The following TP63 variants were observed in gnomAD, a reference collection of about 807,000 sequenced individuals.
The protein encoded by TP63 is tumor protein 63.
Under a neutral mutation model 82.8 loss-of-function variants are expected in TP63, and 17 were observed. The observed-to-expected ratio is 0.21, with a 90% confidence interval of 0.14 to 0.31. TP63 has a LOEUF of 0.31. TP63 is among the 10% of genes least tolerant of loss of function. The pLI is 1.00. For missense variants in TP63, 648 were observed against 895.3 expected (o/e 0.72, Z 3.52); for synonymous variants, 330 against 321.7 (o/e 1.03, Z -0.28).
rs938305894 is a variant in TP63 at position 189,712,371 on chromosome 3, G to T, written c.63-25369G>T. On this transcript the variant is annotated intron_variant, in intron 1 of 13. Coordinates refer to ENST00000264731, the MANE Select transcript of TP63 (RefSeq NM_003722.5). ...TTATTAATAAGTCTTAGTCCACTAG[G>T]AGTGCTGTAACAAAATACCATAAAC... 3.9e-5 allele frequency among the ~76,000 whole-genome samples: 6 copies of T among 152,178 alleles called. No individual in the cohort carries two copies. In the East Asian group the frequency reaches 7.7e-4, roughly 20 times the overall value.
chr3:189,748,508 C>CAAAAAAAA (rs58926854), intron 3 of TP63, among the ~76,000 whole-genome samples: 6 of 31,252 alleles, frequency 1.9e-4, no homozygotes, highest in South Asian at 1.8e-3. Context: ...AGGAAAACTA[C>CAAAAAAAA]AAAAAAAAAA....
chr3:189,726,364 T>A (rs1577310396), intron 1 of TP63, among the ~76,000 whole-genome samples: 1 of 152,184 alleles, frequency 6.6e-6, no homozygotes, highest in Non-Finnish European at 1.5e-5. Context: ...TCGAACCATA[T>A]GAACTTGGTA....
At chr3:189,806,067 T>TG (rs1726863938) in intron 3 of TP63, among the ~76,000 whole-genome samples, 1 of 142,644 alleles carries the variant, frequency 7.0e-6, no homozygotes, top group Admixed American at 7.5e-5. Context: ...TTTTTTTTTT[T>TG]GCCCCTTACA....
chr3:189,677,891 A>G (rs13097576), intron 1 of TP63, among the ~76,000 whole-genome samples: 37,050 of 151,888 alleles, frequency 0.24, 5,191 homozygotes, highest in East Asian at 0.58. Context: ...ACATCTGTGT[A>G]TCTTCTGAAA....
chr3:189,605,395 A>C, the TP63 span, among the ~76,000 whole-genome samples: 1 of 152,234 alleles, frequency 6.6e-6, no homozygotes, highest in Non-Finnish European at 1.5e-5. Flanking sequence ...GTTATTCCCC[A>C]AAATGTGAAA....
intron 3 of TP63, chr3:189,789,952 A>T: frequency 9.4e-7 from 1 of 1,062,188 alleles, no homozygotes; most frequent in Non-Finnish European, 1.3e-6. Context: ...ATGTTTTGCA[A>T]ATTGTATATA....
chr3:189,734,174 T>C (rs796351424), intron 1 of TP63, among the ~76,000 whole-genome samples: 16 of 132,666 alleles, frequency 1.2e-4, no homozygotes, highest in Non-Finnish European at 2.2e-4. Context: ...CTCCCTTCTT[T>C]TTTTTTTTTT....
chr3:189,850,790 T>C (rs977940118), intron 4 of TP63, among the ~76,000 whole-genome samples: 2 of 152,164 alleles, frequency 1.3e-5, no homozygotes, highest in Admixed American at 1.3e-4. Flanking sequence ...TTTATGGATG[T>C]GTATTAAAAA....
intron 3 of TP63, among the ~76,000 whole-genome samples, chr3:189,756,500 A>G (rs1011971390): frequency 2.6e-5 from 4 of 152,168 alleles, no homozygotes; most frequent in African/African-American, 4.8e-5. Flanking sequence ...CAAACCCTGA[A>G]CAAACAGCCT....
intron 3 of TP63, among the ~76,000 whole-genome samples, chr3:189,750,234 A>C (rs931931519): frequency 5.3e-5 from 8 of 152,290 alleles, no homozygotes; most frequent in African/African-American, 1.9e-4. Flanking sequence ...AAATATTGTA[A>C]GTTCTCACTC....
At chr3:189,798,965 T>G (rs1199546260) in intron 3 of TP63, among the ~76,000 whole-genome samples, 1 of 151,946 alleles carries the variant, frequency 6.6e-6, no homozygotes, top group Non-Finnish European at 1.5e-5. Flanking sequence ...TTTAATTATC[T>G]CAAATATAAC....
At chr3:189,629,547 C>T (rs993292215), upstream of TP63, among the ~76,000 whole-genome samples, 3 of 152,060 alleles carry the variant, frequency 2.0e-5, no homozygotes, top group African/African-American at 7.2e-5. Flanking sequence ...CTAGAGACGT[C>T]GAATTGTAAA....
chr3:189,780,968 A>G (rs1724184935), intron 3 of TP63, among the ~76,000 whole-genome samples: 1 of 152,162 alleles, frequency 6.6e-6, no homozygotes, highest in Non-Finnish European at 1.5e-5. Context: ...TTCTGCCAAA[A>G]CAGACATTAT....
chr3:189,763,075 A>T (rs1253855708), intron 3 of TP63, among the ~76,000 whole-genome samples: 3 of 152,134 alleles, frequency 2.0e-5, no homozygotes, highest in African/African-American at 7.2e-5. Flanking sequence ...GTTCAAGATC[A>T]GCCAGGGTAA....
chr3:189,805,640 G>A (rs1309360515), intron 3 of TP63, among the ~76,000 whole-genome samples: 3 of 152,228 alleles, frequency 2.0e-5, no homozygotes, highest in African/African-American at 4.8e-5. Context: ...GCCGAGGCCC[G>A]CTCACCAGGA....
chr3:189,856,052 C>G (rs1716255052), intron 4 of TP63, among the ~76,000 whole-genome samples: 1 of 151,588 alleles, frequency 6.6e-6, no homozygotes, highest in African/African-American at 2.4e-5. Context: ...AAGTTCTTAG[C>G]TATAGAAGAT....
chr3:189,780,333 A>G (rs1331470828), intron 3 of TP63, among the ~76,000 whole-genome samples: 1 of 152,180 alleles, frequency 6.6e-6, no homozygotes, highest in Non-Finnish European at 1.5e-5. Flanking sequence ...TTCTTTGCCC[A>G]CCAATAAGAC....
intron 13 of TP63, among the ~76,000 whole-genome samples, chr3:189,893,628 C>T (rs1205735006): frequency 6.6e-6 from 1 of 152,176 alleles, no homozygotes; most frequent in East Asian, 1.9e-4. Context: ...TCTGAGGATG[C>T]CCTAAGTCCC....
At chr3:189,659,067 A>T (rs1291329440) in intron 1 of TP63, among the ~76,000 whole-genome samples, 1 of 152,018 alleles carries the variant, frequency 6.6e-6, no homozygotes, top group Non-Finnish European at 1.5e-5. Flanking sequence ...TTTATTTTTA[A>T]TTATTTCAAC....
Sources: gnomAD v4.1 joint callset for allele counts (sites outside exome capture counted in the v4.1 genomes callset) on GRCh38, gnomAD v4.1.1 for gene constraint, MANE v1.5 for transcripts, NCBI Gene and HGNC (gene_info 2026-07-23, HGNC 2026-07-21) for gene names.